BNIP3L: variants seen among roughly 807,000 people sequenced by gnomAD.
The protein encoded by BNIP3L is BCL2/adenovirus E1B 19 kDa protein-interacting protein 3-like.
BNIP3L carries 10 observed loss-of-function variants against 25.5 expected under a neutral mutation model. The observed-to-expected ratio is 0.39, with a 90% CI of 0.24 to 0.67. BNIP3L has a LOEUF of 0.67. BNIP3L is among the 30% of genes least tolerant of loss of function. The pLI is 0.45. For synonymous variants in BNIP3L, 113 were observed against 101.2 expected, an observed-to-expected ratio of 1.12 and a Z score of -0.70; for missense variants, 215 against 270.9, an observed-to-expected ratio of 0.79 and a Z score of 1.45.
chr8:26,390,532 TA>T (rs1454117910), intron 1 of BNIP3L: 1 of 985,108 alleles, frequency 1.0e-6, no homozygotes, highest in African/African-American at 1.7e-5. Flanking sequence ...GTTTAGTGTA[TA>T]AAAAAGGAGA....
At chr8:26,395,593 T>A in intron 3 of BNIP3L, 1 of 307,998 alleles carries the variant, frequency 3.2e-6, no homozygotes, top group Non-Finnish European at 6.1e-6. Flanking sequence ...CTGAGATAGA[T>A]GCTTTAAGAC....
At chr8:26,387,159 A>C (rs1322289765) in intron 1 of BNIP3L, among the ~76,000 whole-genome samples, 1 of 152,172 alleles carries the variant, frequency 6.6e-6, no homozygotes, top group Non-Finnish European at 1.5e-5. Context: ...AGTGATTATA[A>C]AACTGTAAAG....
intron 1 of BNIP3L, among the ~76,000 whole-genome samples, chr8:26,388,117 A>C (rs1362078130): frequency 6.6e-6 from 1 of 152,212 alleles, no homozygotes; most frequent in Admixed American, 6.5e-5. Flanking sequence ...AAACTGTCAA[A>C]AGTGGCTCCT....
At chr8:26,401,212 T>C (rs1806361894) in intron 3 of BNIP3L, among the ~76,000 whole-genome samples, 1 of 138,630 alleles carries the variant, frequency 7.2e-6, no homozygotes, top group African/African-American at 2.6e-5. Flanking sequence ...GTGGCACATA[T>C]ACACCATGGA....
At chr8:26,407,849 T>G (rs1194852938) in intron 3 of BNIP3L, 151 bp from the exon 4 acceptor site, 3 of 676,542 alleles carry the variant, frequency 4.4e-6, no homozygotes, top group Non-Finnish European at 7.5e-6. Flanking sequence ...TACATTATTT[T>G]TCAGCATTTT....
chr8:26,385,851 T>C (rs1361791037), intron 1 of BNIP3L, among the ~76,000 whole-genome samples: 1 of 152,184 alleles, frequency 6.6e-6, no homozygotes, highest in African/African-American at 2.4e-5. Flanking sequence ...GATATTGCCA[T>C]ATTTAATTAC....
At position 26,411,482 on chromosome 8, in the gene BNIP3L, G is replaced by C. The variant is rs1036233230; in HGVS notation, c.*1070G>C. ...AAAACAGACTTGGGTTGTGGGAACA[G>C]TTGACAGCGTTCTGAAAAGATGCCA... On this transcript the variant is annotated 3_prime_UTR_variant, in exon 6 of 6. Coordinates refer to ENST00000380629, the MANE Select transcript of BNIP3L (RefSeq NM_004331.3). 6.6e-6 allele frequency: 1 copy of C among 152,208 alleles called. No homozygotes were observed. The highest frequency in any genetic ancestry group is 1.5e-5 in the Non-Finnish European group (1 of 68,042). 9.4% of individuals were successfully genotyped at this position (152,208 alleles called of 1,614,324 possible). A position where few individuals can be genotyped will look rare whatever the true frequency, so the allele number is the denominator to read the frequency against.
intron 3 of BNIP3L, among the ~76,000 whole-genome samples, chr8:26,400,224 T>C (rs1446131014): frequency 6.6e-6 from 1 of 151,742 alleles, no homozygotes; most frequent in East Asian, 1.9e-4. Context: ...TAGATATAGA[T>C]CAATGGAACA....
chr8:26,383,367 G>A, intron 1 of BNIP3L, 137 bp downstream of exon 1: 1 of 1,461,970 alleles, frequency 6.8e-7, no homozygotes, highest in Non-Finnish European at 9.0e-7. Context: ...GTGACTGACA[G>A]CTCCCGTCCC....
At chr8:26,392,444 T>C (rs1806135031) in intron 2 of BNIP3L, among the ~76,000 whole-genome samples, 2 of 152,232 alleles carry the variant, frequency 1.3e-5, no homozygotes, top group African/African-American at 4.8e-5. Context: ...TTATTACTTA[T>C]CAGAAGAAGT....
At chr8:26,388,258 C>T (rs998762466) in intron 1 of BNIP3L, among the ~76,000 whole-genome samples, 2 of 152,192 alleles carry the variant, frequency 1.3e-5, no homozygotes, top group African/African-American at 4.8e-5. Flanking sequence ...ATTGTAGTAG[C>T]TAAAACTTTC....
rs1395963897 is a variant in BNIP3L, at chr8:26,407,984, G to A, written c.358-16G>A. On this transcript the variant is annotated splice_polypyrimidine_tract_variant and intron_variant, in intron 3 of 5. Transcript: ENST00000380629. ...GGTCTTCCTTTTTTTCTTAAAGTTT[G>A]AATTCTTCTTTACAGTCAGAAGAAG... The A allele has an allele frequency of 6.2e-7, 1 of 1,608,992 alleles. No individual in the cohort carries two copies. The highest frequency in any genetic ancestry group is 8.5e-7 in the Non-Finnish European group (1 of 1,175,998).
intron 1 of BNIP3L, among the ~76,000 whole-genome samples, chr8:26,388,330 G>A (rs1362260140): frequency 2.0e-5 from 3 of 152,084 alleles, no homozygotes; most frequent in Non-Finnish European, 4.4e-5. Context: ...CAAAGTCTTC[G>A]AGGTAGATAC....
At chr8:26,405,220 A>T (rs1438797111) in intron 3 of BNIP3L, among the ~76,000 whole-genome samples, 1 of 152,246 alleles carries the variant, frequency 6.6e-6, no homozygotes, top group East Asian at 1.9e-4. Flanking sequence ...AGCAGGTTTA[A>T]AGAAAGATCT....
intron 3 of BNIP3L, among the ~76,000 whole-genome samples, chr8:26,407,549 A>G (rs1029276778): frequency 5.3e-5 from 8 of 151,084 alleles, no homozygotes; most frequent in Non-Finnish European, 8.8e-5. Context: ...GCTGGTCTCC[A>G]GCTTCTGACC....
At chr8:26,410,288 G>C in intron 5 of BNIP3L, 76 bp from the exon 6 acceptor site, 1 of 1,547,652 alleles carries the variant, frequency 6.5e-7, no homozygotes, top group Admixed American at 1.7e-5. Context: ...AGAGTTTTAA[G>C]TAGAGTTCAA....
chr8:26,408,250 AAC>A lies in BNIP3L; in HGVS notation c.486_487del (p.Arg163PhefsTer68), dbSNP rs1806543498. On this transcript the variant is annotated frameshift_variant, in exon 5 of 6. Coordinates refer to ENST00000380629, the MANE Select transcript of BNIP3L (RefSeq NM_004331.3). LOFTEE classifies it high-confidence loss of function. ...AGGGAGTTCCACTTCAGACACCCTA[AAC>A]GTTCTGTGTCTTTAAGCATGAGGAA... 6.2e-7 allele frequency: 1 copy of A among 1,613,990 alleles called. No individual in the cohort carries two copies. The highest frequency in any genetic ancestry group is 8.5e-7 in the Non-Finnish European group (1 of 1,180,002).
chr8:26,396,737 G>C (rs1226199705), intron 3 of BNIP3L, among the ~76,000 whole-genome samples: 1 of 150,392 alleles, frequency 6.6e-6, no homozygotes, highest in East Asian at 2.0e-4. Context: ...AAATTTAGAA[G>C]AATGTATAAC....
intron 3 of BNIP3L, among the ~76,000 whole-genome samples, chr8:26,406,450 C>A (rs913074052): frequency 1.3e-5 from 2 of 152,110 alleles, no homozygotes; most frequent in African/African-American, 4.8e-5. Context: ...GTTATTTAAT[C>A]TATGTCTCAG....
Sources: allele counts gnomAD v4.1 joint callset (sites outside exome capture counted in the v4.1 genomes callset), GRCh38; gene constraint gnomAD v4.1.1; transcripts MANE v1.5; gene names NCBI Gene and HGNC (gene_info 2026-07-23, HGNC 2026-07-21).